The following LDB2 variants were observed in gnomAD, a reference collection of about 807,000 sequenced individuals.
LDB2 encodes LIM domain-binding protein 2.
Under a neutral mutation model 44.3 loss-of-function variants are expected in LDB2, and 12 were observed. The observed-to-expected ratio is 0.27, with a 90% CI of 0.17 to 0.44. The LOEUF is 0.44. Ranked by LOEUF, LDB2 falls within the 20% of genes least tolerant of loss-of-function variation. LDB2 has a pLI of 1.00. For missense variants in LDB2, 344 were observed against 473.5 expected, an observed-to-expected ratio of 0.73 and a Z score of 2.54; for synonymous variants, 164 against 174.8, an observed-to-expected ratio of 0.94 and a Z score of 0.49.
intron 1 of LDB2, among the ~76,000 whole-genome samples, chr4:16,856,906 TA>T (rs1789463865): frequency 6.6e-6 from 1 of 152,250 alleles, no homozygotes; most frequent in African/African-American, 2.4e-5. Context: ...AGAAGTAACC[TA>T]AATGTTCAGA....
intron 2 of LDB2, among the ~76,000 whole-genome samples, chr4:16,651,988 G>T (rs2152525679): frequency 6.6e-6 from 1 of 152,204 alleles, no homozygotes; most frequent in African/African-American, 2.4e-5. Flanking sequence ...ATTTCACTCT[G>T]CTGTCCAGGC....
chr4:16,804,351 C>T (rs1489833990), intron 1 of LDB2, among the ~76,000 whole-genome samples: 1 of 152,024 alleles, frequency 6.6e-6, no homozygotes, highest in East Asian at 1.9e-4. Context: ...CAGAAACAAA[C>T]AAAATTTGGA....
chr4:16,865,037 G>A (rs1211182998), intron 1 of LDB2, among the ~76,000 whole-genome samples: 2 of 152,140 alleles, frequency 1.3e-5, no homozygotes, highest in African/African-American at 4.8e-5. Context: ...CTTGAGGTCA[G>A]GAGTTAAGAG....
chr4:16,503,308 G>A (rs906226244), intron 7 of LDB2, among the ~76,000 whole-genome samples: 9 of 152,044 alleles, frequency 5.9e-5, no homozygotes, highest in Admixed American at 2.0e-4. Flanking sequence ...AGCAGTGACC[G>A]GAGACACACG....
At chr4:16,523,426 TAC>T (rs1727018499) in intron 5 of LDB2, among the ~76,000 whole-genome samples, 1 of 152,198 alleles carries the variant, frequency 6.6e-6, no homozygotes, top group South Asian at 2.1e-4. Context: ...ACCTTTCACT[TAC>T]AAGAAATACT....
intron 2 of LDB2, among the ~76,000 whole-genome samples, chr4:16,723,005 T>G (rs1245425872): frequency 6.6e-6 from 1 of 152,190 alleles, no homozygotes; most frequent in Non-Finnish European, 1.5e-5. Context: ...AAGTGTATTT[T>G]TGGCTTACAG....
intron 1 of LDB2, among the ~76,000 whole-genome samples, chr4:16,859,174 T>C (rs1490159626): frequency 6.6e-6 from 1 of 152,216 alleles, no homozygotes; most frequent in East Asian, 1.9e-4. Context: ...CAATAAGTCA[T>C]GAATGCTTAC....
intron 3 of LDB2, among the ~76,000 whole-genome samples, chr4:16,593,480 C>CA (rs1210497319): frequency 6.8e-6 from 1 of 147,738 alleles, no homozygotes; most frequent in Non-Finnish European, 1.5e-5. Context: ...AAACAAAAAA[C>CA]AAAAAATTGA....
At chr4:16,570,280 G>A (rs1006602374) in intron 5 of LDB2, among the ~76,000 whole-genome samples, 3 of 151,168 alleles carry the variant, frequency 2.0e-5, no homozygotes, top group Non-Finnish European at 2.9e-5. Context: ...TGGCTAACAC[G>A]GTGAAACCCC....
intron 2 of LDB2, among the ~76,000 whole-genome samples, chr4:16,611,006 C>T (rs1725450317): frequency 1.3e-5 from 2 of 152,196 alleles, no homozygotes; most frequent in Admixed American, 1.3e-4. Context: ...ATCAGACTAA[C>T]AGAGGACGTC....
intron 5 of LDB2, among the ~76,000 whole-genome samples, chr4:16,513,679 G>C (rs1722622029): frequency 6.6e-6 from 1 of 152,070 alleles, no homozygotes; most frequent in Non-Finnish European, 1.5e-5. Flanking sequence ...TCTTGAGGTG[G>C]GGTTCCAAAT....
chr4:16,742,074 C>CTTTTTTTTTTTTT (rs33990510), intron 2 of LDB2, among the ~76,000 whole-genome samples: 1 of 128,310 alleles, frequency 7.8e-6, no homozygotes. Flanking sequence ...CTTTTCTTTT[C>CTTTTTTTTTTTTT]TTTTTTTTTT....
At chr4:16,840,897 C>T (rs1025683939) in intron 1 of LDB2, among the ~76,000 whole-genome samples, 2 of 152,180 alleles carry the variant, frequency 1.3e-5, no homozygotes, top group Non-Finnish European at 2.9e-5. Context: ...TGGCTCATGG[C>T]TGCCTGGTCC....
At chr4:16,507,718 A>T (rs1720087334) in intron 7 of LDB2, among the ~76,000 whole-genome samples, 1 of 152,166 alleles carries the variant, frequency 6.6e-6, no homozygotes, top group South Asian at 2.1e-4. Flanking sequence ...ACAGCAGAGA[A>T]GGAACAGAAG....
chr4:16,691,252 G>GGTA (rs765725461), intron 2 of LDB2, among the ~76,000 whole-genome samples: 15 of 151,972 alleles, frequency 9.9e-5, no homozygotes, highest in Admixed American at 2.0e-4. Flanking sequence ...TATGTGAAAA[G>GGTA]GTAGTACTTA....
At chr4:16,641,656 T>C (rs1436812764) in intron 2 of LDB2, among the ~76,000 whole-genome samples, 1 of 152,154 alleles carries the variant, frequency 6.6e-6, no homozygotes, top group Non-Finnish European at 1.5e-5. Flanking sequence ...ACCACAAGGA[T>C]GGCACTAAGC....
chr4:16,763,213 GATAAT>G (rs1372615356), intron 1 of LDB2, among the ~76,000 whole-genome samples: 1 of 151,862 alleles, frequency 6.6e-6, no homozygotes, highest in Non-Finnish European at 1.5e-5. Context: ...AGGTAGATAA[GATAAT>G]ATTTTTGTTT....
At position 16,595,519 on chromosome 4, in the gene LDB2, A is replaced by G. The variant is rs115064604; in HGVS notation, c.408+184T>C. Among the ~76,000 whole-genome samples the G allele has an allele frequency of 6.4e-3, 968 of 152,238 alleles. 12 individuals carry two copies. The highest frequency in any genetic ancestry group is 0.022 in the African/African-American group (897 of 41,544). Reference sequence around the variant, plus strand: ...CATGTGCTCAGAATCTCATGCACACATCTTAGAACCGTGTTCACCCCAAGA... The same window carrying G: ...CATGTGCTCAGAATCTCATGCACACGTCTTAGAACCGTGTTCACCCCAAGA... On this transcript the variant is annotated intron_variant, in intron 3 of 7. Transcript: ENST00000304523.
intron 2 of LDB2, among the ~76,000 whole-genome samples, chr4:16,623,800 T>A (rs1178733498): frequency 6.6e-6 from 1 of 152,004 alleles, no homozygotes; most frequent in Non-Finnish European, 1.5e-5. Context: ...TTTATTTATA[T>A]ATTTAAAGAG....
Sources: allele counts gnomAD v4.1 joint callset (sites outside exome capture counted in the v4.1 genomes callset), GRCh38; gene constraint gnomAD v4.1.1; transcripts MANE v1.5; gene names NCBI Gene and HGNC (gene_info 2026-07-23, HGNC 2026-07-21).